Variants in PLCB1 observed in about 807,000 individuals in gnomAD.
PLCB1 encodes the protein 1-phosphatidylinositol 4,5-bisphosphate phosphodiesterase beta-1.
In PLCB1, 46 loss-of-function variants were observed where a neutral mutation model predicts 161.8. The observed-to-expected ratio is 0.28, with a 90% confidence interval of 0.22 to 0.36. PLCB1 has a LOEUF of 0.36. Among genes scored for constraint, PLCB1 ranks in the 10% least tolerant of loss-of-function variants. PLCB1 has a pLI of 1.00. For synonymous variants in PLCB1, 517 were observed against 503.7 expected (o/e 1.03, Z -0.35); for missense variants, 1,016 against 1,472.5 (o/e 0.69, Z 5.07).
Position 8,717,683 on chromosome 20 carries a change from G to C in PLCB1, c.1348G>C (p.Val450Leu). The change falls in exon 14 of 32, where the codon GTT (valine) becomes CTT (leucine). Residue 450 changes from valine to leucine, a missense_variant. By Grantham distance (32) the Val-to-Leu change is conservative. Around this residue, in one of 10 missense-constraint regions of PLCB1, gnomAD observed 56 missense variants for 126.3 expected, o/e 0.44. Coordinates refer to ENST00000338037, the MANE Select transcript of PLCB1 (RefSeq NM_015192.4). ...TCATTTCTATTAGCTGGAATCTGGA[G>C]TTCCTCTTCCAAGCCCTATGGATTT... ...PLEKYPLESG[V>L]PLPSPMDLMY... 6.2e-7 allele frequency: 1 copy of C among 1,605,252 alleles called. No homozygotes were observed. The highest frequency in any genetic ancestry group is 8.5e-7 in the Non-Finnish European group (1 of 1,177,022).
At chr20:8,779,798 A>G (rs1449288488) in intron 27 of PLCB1, among the ~76,000 whole-genome samples, 1 of 152,214 alleles carries the variant, frequency 6.6e-6, no homozygotes, top group African/African-American at 2.4e-5. Flanking sequence ...GTTATTTGAA[A>G]TGGGAAATAC....
intron 3 of PLCB1, among the ~76,000 whole-genome samples, chr20:8,568,318 C>T (rs117962333): frequency 5.0e-4 from 76 of 152,206 alleles, no homozygotes; most frequent in Non-Finnish European, 8.4e-4. Context: ...TCAGTTACTG[C>T]GTGGGCTTTT....
At chr20:8,724,413 G>A (rs569276166) in intron 15 of PLCB1, among the ~76,000 whole-genome samples, 72 of 152,154 alleles carry the variant, frequency 4.7e-4, no homozygotes, top group Non-Finnish European at 9.6e-4. Flanking sequence ...AGGGGATAGG[G>A]AGTGATTATG....
In PLCB1 at chr20:8,251,467, G is replaced by A. The variant is rs73607879; in HGVS notation, c.177+101096G>A. ...GCAGGAGAGGTCTTTCAAAGCAGGGGAAACAACATGGTCAAAAGCATGAAG... is the reference window on the plus strand; with the variant it reads ...GCAGGAGAGGTCTTTCAAAGCAGGGAAAACAACATGGTCAAAAGCATGAAG... On this transcript the variant is annotated intron_variant, in intron 2 of 31. Transcript: ENST00000338037. Among the ~76,000 whole-genome samples, 324 of 151,978 alleles carry A rather than the reference G, an allele frequency of 2.1e-3. 3 individuals carry two copies. The highest frequency in any genetic ancestry group is 7.3e-3 in the African/African-American group (304 of 41,500).
At chr20:8,444,767 T>A (rs1187347129) in intron 3 of PLCB1, among the ~76,000 whole-genome samples, 2 of 152,196 alleles carry the variant, frequency 1.3e-5, no homozygotes, top group South Asian at 2.1e-4. Context: ...GGTATCTCAT[T>A]GTGGTTTTGA....
At chr20:8,217,265 G>A (rs1979183631) in intron 2 of PLCB1, among the ~76,000 whole-genome samples, 1 of 152,148 alleles carries the variant, frequency 6.6e-6, no homozygotes, top group South Asian at 2.1e-4. Context: ...AACCCTAGGT[G>A]ATCTCTGCAA....
rs181702377 is a variant in PLCB1, at chr20:8,433,527, G to A, written c.246+62077G>A. On this transcript the variant is annotated intron_variant, in intron 3 of 31. Coordinates refer to ENST00000338037, the MANE Select transcript of PLCB1 (RefSeq NM_015192.4). ...TTTGCTTATGTCACACTCTATCTGA[G>A]TGACCCTTAGGAAGTTCCCTAATCT... 5.7e-4 allele frequency among the ~76,000 whole-genome samples: 84 copies of A among 147,046 alleles called. 9 individuals carry two copies. Among genetic ancestry groups the A allele is most frequent in the African/African-American group, 2.1e-3 (82 of 38,888 alleles).
At chr20:8,878,146 C>T (rs1407351228) in intron 31 of PLCB1, among the ~76,000 whole-genome samples, 1 of 152,074 alleles carries the variant, frequency 6.6e-6, no homozygotes, top group African/African-American at 2.4e-5. Context: ...GAGCATTAAC[C>T]TGAGAGAAAT....
chr20:8,800,844 C>A (rs138946407), intron 31 of PLCB1, among the ~76,000 whole-genome samples: 1 of 152,220 alleles, frequency 6.6e-6, no homozygotes, highest in African/African-American at 2.4e-5. Context: ...TATTGTAAAG[C>A]AGTCAAGACA....
chr20:8,553,332 C>T (rs1318113435), intron 3 of PLCB1, among the ~76,000 whole-genome samples: 1 of 152,238 alleles, frequency 6.6e-6, no homozygotes, highest in Non-Finnish European at 1.5e-5. Flanking sequence ...TAGTGGAGTG[C>T]CAAAGATTTC....
At position 8,809,691 on chromosome 20, in the gene PLCB1, C is replaced by T. The variant is rs567522884; in HGVS notation, c.3423+19430C>T. On this transcript the variant is annotated intron_variant, in intron 31 of 31. Transcript: ENST00000338037. ...CATGGTTGAAACATTATTACCCATC[C>T]TTTAAAAACAAAATGAAACTTTTTA... Among the ~76,000 whole-genome samples the T allele has an allele frequency of 2.0e-5, 3 of 151,988 alleles. No homozygotes were observed. In the South Asian group the frequency reaches 6.2e-4, roughly 32 times the overall value.
intron 3 of PLCB1, among the ~76,000 whole-genome samples, chr20:8,569,466 A>T (rs967177146): frequency 2.0e-5 from 3 of 152,184 alleles, no homozygotes; most frequent in Non-Finnish European, 4.4e-5. Flanking sequence ...GGTACTAAGA[A>T]TATTATTTTT....
chr20:8,777,299 G>A (rs12329404), intron 27 of PLCB1, among the ~76,000 whole-genome samples: 38,075 of 152,014 alleles, frequency 0.25, 5,279 homozygotes, highest in Non-Finnish European at 0.32. Flanking sequence ...AGTACGTTAC[G>A]GGAAGTGGTC....
Position 8,789,831 on chromosome 20 carries a change from A to G in PLCB1, c.3336+256A>G, listed in dbSNP as rs764831190. ...TCAAGAGCCCAGAAACATATTGTAAATGATAGTGTTCCCAAAAGAACCTTT... is the reference window on the plus strand; with the variant it reads ...TCAAGAGCCCAGAAACATATTGTAAGTGATAGTGTTCCCAAAAGAACCTTT... On this transcript the variant is annotated intron_variant, in intron 30 of 31. Transcript: ENST00000338037. Among the ~76,000 whole-genome samples the G allele has an allele frequency of 3.9e-5, 6 of 152,334 alleles. No homozygotes were observed. In the East Asian group the frequency reaches 5.8e-4, roughly 15 times the overall value.
At chr20:8,319,881 G>C (rs1369508142) in intron 2 of PLCB1, among the ~76,000 whole-genome samples, 2 of 151,826 alleles carry the variant, frequency 1.3e-5, no homozygotes, top group African/African-American at 4.8e-5. Context: ...AGCATTAGGA[G>C]ATATACCTAA....
At chr20:8,591,073 G>A (rs777647319) in intron 3 of PLCB1, among the ~76,000 whole-genome samples, 20 of 152,134 alleles carry the variant, frequency 1.3e-4, no homozygotes, top group Non-Finnish European at 1.9e-4. Flanking sequence ...AACATGAGGC[G>A]TTTGGTTTTC....
chr20:8,668,015 C>A (rs2123352890), intron 9 of PLCB1, among the ~76,000 whole-genome samples: 1 of 152,104 alleles, frequency 6.6e-6, no homozygotes, highest in Middle Eastern at 3.4e-3. Context: ...AACTGCCTGG[C>A]AGGTTGTACT....
At chr20:8,853,985 A>G (rs942401290) in intron 31 of PLCB1, among the ~76,000 whole-genome samples, 1 of 152,192 alleles carries the variant, frequency 6.6e-6, no homozygotes, top group African/African-American at 2.4e-5. Context: ...GAGCCCCACA[A>G]TGCTTGACAT....
intron 2 of PLCB1, among the ~76,000 whole-genome samples, chr20:8,188,391 T>G (rs182947886): frequency 6.6e-6 from 1 of 152,220 alleles, no homozygotes; most frequent in East Asian, 1.9e-4. Context: ...ATAATGCAGT[T>G]GAACACAATT....
Sources: allele counts gnomAD v4.1 joint callset (sites outside exome capture counted in the v4.1 genomes callset), GRCh38; gene constraint gnomAD v4.1.1; regional missense constraint gnomAD v4.1.1; transcripts MANE v1.5; gene names NCBI Gene and HGNC (gene_info 2026-07-23, HGNC 2026-07-21).